Variants in JAK2 observed in about 807,000 individuals in gnomAD.
JAK2 encodes tyrosine-protein kinase JAK2.
A neutral mutation model predicts 139.3 loss-of-function variants in JAK2; 86 were observed. The observed-to-expected ratio is 0.62, with a 90% CI of 0.52 to 0.74. The LOEUF is 0.74. Among genes scored for constraint, JAK2 ranks in the 30% least tolerant of loss-of-function variants. JAK2 has a pLI of 0.00. For missense variants in JAK2, 1,421 were observed against 1,360.3 expected (o/e 1.04, Z -0.70); for synonymous variants, 490 against 437.7 (o/e 1.12, Z -1.49).
chr9:5,111,080 G>C lies in JAK2; in HGVS notation c.3060-11924G>C, dbSNP rs568703705. The C allele has an allele frequency of 5.7e-6, 7 of 1,220,386 alleles. No homozygotes were observed. The South Asian group carries it at 7.7e-5, about 13-fold the overall frequency. 75.6% of individuals were successfully genotyped at this position (1,220,386 alleles called of 1,614,324 possible). A position where few individuals can be genotyped will look rare whatever the true frequency, so the allele number is the denominator to read the frequency against. On this transcript the variant is annotated intron_variant, in intron 22 of 24. Coordinates refer to ENST00000381652, the MANE Select transcript of JAK2 (RefSeq NM_004972.4). ...GGTCTTGAGAACTGGCCCAGCTCAGGCTCCTGGGGCAGCGGCGACCAGAAC... is the reference window on the plus strand; with the variant it reads ...GGTCTTGAGAACTGGCCCAGCTCAGCCTCCTGGGGCAGCGGCGACCAGAAC...
At chr9:5,032,463 GA>G (rs1215646943) in intron 4 of JAK2, among the ~76,000 whole-genome samples, 1 of 152,242 alleles carries the variant, frequency 6.6e-6, no homozygotes, top group Non-Finnish European at 1.5e-5. Flanking sequence ...GTGGGTCCCT[GA>G]ACCCCGAGTA....
At position 5,056,904 on chromosome 9, in the gene JAK2, G is replaced by C. The variant is rs532984765; in HGVS notation, c.1056+1116G>C. On this transcript the variant is annotated intron_variant, in intron 8 of 24. Coordinates refer to ENST00000381652, the MANE Select transcript of JAK2 (RefSeq NM_004972.4). ...CCAAGGGCACAGTGTTAGTTAAGTGGTAGGGCTATTTAAACTCAAATGCAT... is the reference window on the plus strand; with the variant it reads ...CCAAGGGCACAGTGTTAGTTAAGTGCTAGGGCTATTTAAACTCAAATGCAT... 1.2e-3 allele frequency among the ~76,000 whole-genome samples: 179 copies of C among 152,254 alleles called. 2 individuals are homozygous for C. The Middle Eastern group carries it at 0.014, about 12-fold the overall frequency.
rs1037769152 is a variant in JAK2 at position 5,041,446 on chromosome 9, C to T, written c.351-2957C>T. 74 of 616,592 alleles carry T rather than the reference C, an allele frequency of 1.2e-4. 1 individual carries two copies. The highest frequency in any genetic ancestry group is 7.0e-4 in the African/African-American group (38 of 54,476). 38.2% of individuals were successfully genotyped at this position (616,592 alleles called of 1,614,324 possible). A position where few individuals can be genotyped will look rare whatever the true frequency, so the allele number is the denominator to read the frequency against. On this transcript the variant is annotated intron_variant, in intron 4 of 24. Coordinates refer to ENST00000381652, the MANE Select transcript of JAK2 (RefSeq NM_004972.4). ...TGTTCATGTACTTCCTGTGCAGCAG[C>T]CTCCCCTGGCAGGGGCTCAAGGCTG...
Position 5,090,764 on chromosome 9 carries a change from G to C in JAK2, c.2912G>C (p.Arg971Thr). The stretch of plus-strand genomic sequence containing the variant: ...GGTATGGAGTATCTTGGTACAAAAA[G>C]GTATATCCACAGGGATCTGGCAACG... ...CKGMEYLGTK[R>T]YIHRDLATRN... The change falls in exon 22 of 25, where the codon AGG (arginine) becomes ACG (threonine). Residue 971 changes from arginine to threonine, a missense_variant. Arg to Thr is a moderately conservative substitution (Grantham distance 71, BLOSUM62 -1). Transcript: ENST00000381652. 1 of 1,607,680 alleles carries C rather than the reference G, an allele frequency of 6.2e-7. No individual in the cohort carries two copies. Among genetic ancestry groups the C allele is most frequent in the Non-Finnish European group, 8.5e-7 (1 of 1,178,340 alleles).
intron 2 of JAK2, among the ~76,000 whole-genome samples, chr9:4,991,645 G>T (rs1413675925): frequency 6.6e-6 from 1 of 152,066 alleles, no homozygotes; most frequent in Non-Finnish European, 1.5e-5. Context: ...AAAAGGAAAT[G>T]GTTTACCAAT....
intron 2 of JAK2, among the ~76,000 whole-genome samples, chr9:5,021,502 T>C (rs1822427061): frequency 6.6e-6 from 1 of 152,252 alleles, no homozygotes; most frequent in Admixed American, 6.5e-5. Context: ...GCATTGTGCT[T>C]TGTATGTAGT....
rs764901971 is a variant in JAK2, at chr9:5,022,028, C to T, written c.41C>T (p.Thr14Ile). The change falls in exon 3 of 25, where the codon ACA (threonine) becomes ATA (isoleucine). Residue 14 changes from threonine to isoleucine, a missense_variant. By Grantham distance (89) the Thr-to-Ile change is moderately conservative. Coordinates refer to ENST00000381652, the MANE Select transcript of JAK2 (RefSeq NM_004972.4). ...CTTACGATGACAGAAATGGAGGGAA[C>T]ATCCACCTCTTCTATATATCAGAAT... Reference protein sequence around the residue: ...ACLTMTEMEGTSTSSIYQNGD... With the variant: ...ACLTMTEMEGISTSSIYQNGD... 23 of 1,613,974 alleles carry T rather than the reference C, an allele frequency of 1.4e-5. 1 individual carries two copies. In the South Asian group the frequency reaches 2.0e-4, roughly 14 times the overall value.
intron 7 of JAK2, 117 bp downstream of exon 7, chr9:5,055,001 G>A (rs1033681654): frequency 7.9e-5 from 58 of 731,934 alleles, no homozygotes; most frequent in Non-Finnish European, 1.2e-4. Flanking sequence ...GATAGAAGTG[G>A]AAGTTTTTAA....
chr9:5,057,162 ACAT>A (rs1817822276), intron 8 of JAK2, among the ~76,000 whole-genome samples: 2 of 152,138 alleles, frequency 1.3e-5, no homozygotes, highest in Admixed American at 1.3e-4. Flanking sequence ...TCATATTGAT[ACAT>A]CATGTTTCTT....
chr9:5,068,989 T>C (rs768234694), intron 10 of JAK2, 33 bp from the exon 11 acceptor site: 6 of 1,248,034 alleles, frequency 4.8e-6, no homozygotes, highest in Non-Finnish European at 6.8e-6. Context: ...ATTGTGACTA[T>C]CCCTCCCTTT....
At chr9:4,988,196 A>G (rs1051024451) in intron 2 of JAK2, among the ~76,000 whole-genome samples, 1 of 152,024 alleles carries the variant, frequency 6.6e-6, no homozygotes, top group African/African-American at 2.4e-5. Context: ...CTTAGCTCCC[A>G]GTTTCCCAAA....
At chr9:5,029,613 G>A (rs1012584509) in intron 3 of JAK2, among the ~76,000 whole-genome samples, 170 bp from the exon 4 acceptor site, 2 of 152,196 alleles carry the variant, frequency 1.3e-5, no homozygotes, top group African/African-American at 4.8e-5. Context: ...AAAAAAGATT[G>A]TGATTAATAA....
chr9:5,020,332 A>G (rs1330745974), intron 2 of JAK2, among the ~76,000 whole-genome samples: 3 of 152,148 alleles, frequency 2.0e-5, no homozygotes, highest in East Asian at 1.9e-4. Flanking sequence ...TGCGATCCCA[A>G]GGCCCCCAGA....
Position 5,064,665 on chromosome 9 carries a change from T to C in JAK2, c.1057-218T>C, listed in dbSNP as rs563140971. Among the ~76,000 whole-genome samples the C allele has an allele frequency of 4.6e-5, 7 of 152,314 alleles. No homozygotes were observed. The East Asian group carries it at 7.7e-4, about 17-fold the overall frequency. On this transcript the variant is annotated intron_variant, in intron 8 of 24. Coordinates refer to ENST00000381652, the MANE Select transcript of JAK2 (RefSeq NM_004972.4). ...GGAAAATAAAGTAAAATGATGGCTA[T>C]AGAGTGAACTATAACTGGGAAGGTA...
chr9:5,020,519 G>A (rs1822347915), intron 2 of JAK2, among the ~76,000 whole-genome samples: 1 of 152,182 alleles, frequency 6.6e-6, no homozygotes, highest in African/African-American at 2.4e-5. Flanking sequence ...CCTGATGCTG[G>A]GGAGGGTGCA....
chr9:5,078,824 C>G (rs1040045230), intron 16 of JAK2, among the ~76,000 whole-genome samples: 7 of 151,814 alleles, frequency 4.6e-5, no homozygotes, highest in African/African-American at 1.5e-4. Flanking sequence ...TTTTTCTATC[C>G]TCTGTGAAGA....
At chr9:5,112,338 G>A (rs1822666034) in intron 22 of JAK2, 1 of 325,758 alleles carries the variant, frequency 3.1e-6, no homozygotes, top group Non-Finnish European at 5.9e-6. Flanking sequence ...GACCTCTCTT[G>A]GCCTTCCGAC....
rs771769670 is a variant in JAK2, at chr9:5,127,315, T to C, written c.*524T>C. On this transcript the variant is annotated 3_prime_UTR_variant, in exon 25 of 25. Transcript: ENST00000381652. ...CAAACAAATTAAGATGTTCAGATAATTGAATAAGTACCTTTGTGTCCTTGT... is the reference window on the plus strand; with the variant it reads ...CAAACAAATTAAGATGTTCAGATAACTGAATAAGTACCTTTGTGTCCTTGT... 2 of 232,166 alleles carry C rather than the reference T, an allele frequency of 8.6e-6. No homozygotes were observed. Among genetic ancestry groups the C allele is most frequent in the Admixed American group, 5.6e-5 (1 of 17,704 alleles). The allele number at this position is 232,166 out of a possible 1,614,324, so 14.4% of individuals were successfully genotyped here. A position where few individuals can be genotyped will look rare whatever the true frequency, so the allele number is the denominator to read the frequency against.
chr9:5,116,383 T>G lies in JAK2; in HGVS notation c.3060-6621T>G, dbSNP rs12346143. Among the ~76,000 whole-genome samples, 307 of 152,352 alleles carry G rather than the reference T, an allele frequency of 2.0e-3. 1 individual carries two copies. Among genetic ancestry groups the G allele is most frequent in the African/African-American group, 7.0e-3 (292 of 41,586 alleles). On this transcript the variant is annotated intron_variant, in intron 22 of 24. Coordinates refer to ENST00000381652, the MANE Select transcript of JAK2 (RefSeq NM_004972.4). ...CATAATAAATATTAAAAATACTTTT[T>G]GAGGAAATGTCGTCATGATAAACAT...
Sources: gnomAD v4.1 joint callset for allele counts (sites outside exome capture counted in the v4.1 genomes callset) on GRCh38, gnomAD v4.1.1 for gene constraint, MANE v1.5 for transcripts, NCBI Gene and HGNC (gene_info 2026-07-23, HGNC 2026-07-21) for gene names.